The following KLF8 variants were observed in gnomAD, a reference collection of about 807,000 sequenced individuals.
KLF8 encodes Krueppel-like factor 8.
In KLF8, 10 loss-of-function variants were observed where a neutral mutation model predicts 18.2. The ratio of observed to expected loss-of-function variants is 0.55; its 90% CI spans 0.34 to 0.93. The LOEUF (loss-of-function observed/expected upper bound fraction) is 0.93. Ranked by LOEUF, KLF8 falls within the 40% of genes least tolerant of loss-of-function variation. The pLI, the probability that KLF8 is intolerant of heterozygous loss-of-function variation, is 0.02. For missense variants in KLF8, 264 were observed against 277.9 expected, an observed-to-expected ratio of 0.95 and a Z score of 0.36; for synonymous variants, 109 against 97.3, an observed-to-expected ratio of 1.12 and a Z score of -0.71.
chrX:56,141,695 C>T, the KLF8 span, among the ~76,000 whole-genome samples: 1 of 110,910 alleles, frequency 9.0e-6, no homozygotes, highest in Non-Finnish European at 1.9e-5. Context: ...TACAGTTATA[C>T]CTTAACTGGG....
the KLF8 span, among the ~76,000 whole-genome samples, chrX:55,954,271 C>T: frequency 9.0e-6 from 1 of 111,214 alleles, no homozygotes; most frequent in African/African-American, 3.3e-5. Flanking sequence ...TTCTTTAAAC[C>T]ATCTTACTAC....
At chrX:56,127,533 G>A in the KLF8 span, among the ~76,000 whole-genome samples, 1 of 110,965 alleles carries the variant, frequency 9.0e-6, no homozygotes, top group South Asian at 3.9e-4. Flanking sequence ...AGGCATGATG[G>A]TGTGTGCCTG....
rs1569197582 is a variant in KLF8 at position 56,288,455 on chromosome X, C to T, written c.*3961C>T. Among the ~76,000 whole-genome samples, 3 of 110,748 alleles carry T rather than the reference C, an allele frequency of 2.7e-5. No homozygotes were observed. Among genetic ancestry groups the T allele is most frequent in the Admixed American group, 9.7e-5 (1 of 10,350 alleles). On this transcript the variant is annotated 3_prime_UTR_variant, in exon 6 of 6. Transcript: ENST00000468660. Reference sequence around the variant, plus strand: ...TTATGAGTTTTTGAAAGTAGGACCACGGAGAAGAAGTGCCATTTTCATCAC... The same window carrying T: ...TTATGAGTTTTTGAAAGTAGGACCATGGAGAAGAAGTGCCATTTTCATCAC...
the KLF8 span, among the ~76,000 whole-genome samples, chrX:56,167,363 C>A: frequency 8.9e-6 from 1 of 111,855 alleles, no homozygotes; most frequent in Non-Finnish European, 1.9e-5. Flanking sequence ...CTCCTGACCT[C>A]AAATGATCTG....
At chrX:56,275,254 T>C (rs1284846325) in intron 5 of KLF8, among the ~76,000 whole-genome samples, 1 of 111,781 alleles carries the variant, frequency 8.9e-6, no homozygotes, top group Non-Finnish European at 1.9e-5. Context: ...TCATTTTATT[T>C]GGAGCCATTG....
At chrX:56,224,865 G>T in the KLF8 span, among the ~76,000 whole-genome samples, 1 of 111,714 alleles carries the variant, frequency 9.0e-6, no homozygotes, top group African/African-American at 3.3e-5. Context: ...CAGATTTGGT[G>T]TCTGGTGAGG....
the KLF8 span, among the ~76,000 whole-genome samples, chrX:56,175,667 C>G: frequency 2.6e-4 from 29 of 111,257 alleles, no homozygotes; most frequent in South Asian, 0.011. Flanking sequence ...AACTTTCTGT[C>G]TCATTGATCT....
the KLF8 span, among the ~76,000 whole-genome samples, chrX:55,953,265 C>T: frequency 1.8e-5 from 2 of 110,873 alleles, no homozygotes; most frequent in Non-Finnish European, 3.8e-5. Context: ...CAAATTAAAG[C>T]CGGGTACAGG....
chrX:56,106,600 T>C, the KLF8 span, among the ~76,000 whole-genome samples: 2 of 112,083 alleles, frequency 1.8e-5, no homozygotes, highest in African/African-American at 3.2e-5. Flanking sequence ...TTTATTCTAG[T>C]TAGCCGTTTG....
chrX:56,157,243 A>T, the KLF8 span, among the ~76,000 whole-genome samples: 1 of 71,114 alleles, frequency 1.4e-5, no homozygotes, highest in Non-Finnish European at 2.7e-5. Flanking sequence ...TGTGGGGTGG[A>T]GGGAGGGGGG....
chrX:56,260,938 A>C (rs2066874593), intron 2 of KLF8, among the ~76,000 whole-genome samples: 1 of 111,641 alleles, frequency 9.0e-6, no homozygotes, highest in Non-Finnish European at 1.9e-5. Context: ...CTTCATTTCT[A>C]ATCTTGCATT....
chrX:55,980,545 T>C, the KLF8 span, among the ~76,000 whole-genome samples: 141 of 112,034 alleles, frequency 1.3e-3, 1 homozygote, highest in Admixed American at 3.4e-3. Context: ...GCATGTACCT[T>C]ATCAATTAAA....
At chrX:55,975,293 G>C in the KLF8 span, among the ~76,000 whole-genome samples, 57,870 of 110,472 alleles carry the variant, frequency 0.52, 13,587 homozygotes, top group East Asian at 0.75. Context: ...TTGGCATGTT[G>C]GGAGGATTTA....
chrX:55,948,629 T>G, the KLF8 span, among the ~76,000 whole-genome samples: 7 of 111,998 alleles, frequency 6.3e-5, no homozygotes, highest in African/African-American at 2.3e-4. Flanking sequence ...TATTTCTTTA[T>G]AATCTGTTCT....
At chrX:56,207,156 G>A in the KLF8 span, among the ~76,000 whole-genome samples, 1 of 112,331 alleles carries the variant, frequency 8.9e-6, no homozygotes, top group Non-Finnish European at 1.9e-5. Context: ...TTCCTTTTAG[G>A]CCTCCAGGCC....
At chrX:56,030,993 A>G in the KLF8 span, among the ~76,000 whole-genome samples, 1 of 110,330 alleles carries the variant, frequency 9.1e-6, no homozygotes, top group East Asian at 2.9e-4. Flanking sequence ...TTTGTGCCAT[A>G]CCTTTGAAAC....
chrX:55,953,457 T>C, the KLF8 span, among the ~76,000 whole-genome samples: 1 of 110,700 alleles, frequency 9.0e-6, no homozygotes, highest in African/African-American at 3.3e-5. Context: ...GTGGATTTTT[T>C]TTTTTTGCAG....
the KLF8 span, among the ~76,000 whole-genome samples, chrX:56,106,453 C>G: frequency 8.9e-6 from 1 of 111,734 alleles, no homozygotes; most frequent in Admixed American, 9.5e-5. Flanking sequence ...CTTCTGGCTT[C>G]ATTAATTTGA....
the KLF8 span, among the ~76,000 whole-genome samples, chrX:56,053,460 G>C: frequency 9.1e-6 from 1 of 110,077 alleles, no homozygotes; most frequent in Admixed American, 9.8e-5. Context: ...CAAGGATATT[G>C]GCCTGGGGTG....
Sources: gnomAD v4.1 joint callset for allele counts (sites outside exome capture counted in the v4.1 genomes callset) on GRCh38, gnomAD v4.1.1 for gene constraint, MANE v1.5 for transcripts, NCBI Gene and HGNC (gene_info 2026-07-23, HGNC 2026-07-21) for gene names.